The following PFKFB3 variants were observed in gnomAD, a reference collection of about 807,000 sequenced individuals.
The protein encoded by PFKFB3 is 6-phosphofructo-2-kinase/fructose-2,6-bisphosphatase 3.
A neutral mutation model predicts 68.0 loss-of-function variants in PFKFB3; 33 were observed. That is an observed-to-expected ratio of 0.49 (90% CI 0.37 to 0.65). PFKFB3 has a LOEUF of 0.65. Ranked by LOEUF, PFKFB3 falls within the 30% of genes least tolerant of loss-of-function variation. The pLI is 0.00. For missense variants in PFKFB3, 586 were observed against 712.2 expected (o/e 0.82, Z 2.02); for synonymous variants, 315 against 288.2 (o/e 1.09, Z -0.94).
chr10:6,292,267 TTTTTTTTTTTC>T, the PFKFB3 span, among the ~76,000 whole-genome samples: 981 of 125,198 alleles, frequency 7.8e-3, 25 homozygotes, highest in African/African-American at 0.03. Flanking sequence ...ACCAGTGTAC[TTTTTTTTTTTC>T]TTTTTTTTTT....
intron 1 of PFKFB3, among the ~76,000 whole-genome samples, chr10:6,155,205 CT>C (rs55673645): frequency 0.09 from 11,947 of 132,290 alleles, 654 homozygotes; most frequent in East Asian, 0.16. Context: ...GAGTTTTTTT[CT>C]TTTTTTTTTT....
At chr10:6,223,029 C>G (rs1050699350) in intron 11 of PFKFB3, 45 bp downstream of exon 11, 5 of 1,587,732 alleles carry the variant, frequency 3.1e-6, no homozygotes, top group Non-Finnish European at 3.4e-6. Flanking sequence ...GAGGAGGGGA[C>G]TGGCACTCGG....
In PFKFB3 at chr10:6,233,199, A is replaced by G. The variant is rs1201838570; in HGVS notation, c.*257A>G. ...ACCTCCACTCTCTGGGTTTCCTAGG[A>G]ATGTCCAGCCTCGGAGACCTTCACA... is the stretch of plus-strand genomic sequence containing the variant. On this transcript the variant is annotated 3_prime_UTR_variant, in exon 15 of 15. Coordinates refer to ENST00000379775, the MANE Select transcript of PFKFB3 (RefSeq NM_004566.4). 2.0e-6 allele frequency: 1 copy of G among 490,226 alleles called. No homozygotes were observed. The highest frequency in any genetic ancestry group is 3.7e-6 in the Non-Finnish European group (1 of 271,620). The allele number at this position is 490,226 out of a possible 1,614,324, so 30.4% of individuals were successfully genotyped here.
rs1309543325 is a variant in PFKFB3, at chr10:6,217,682, C to T, written c.498+491C>T. Among the ~76,000 whole-genome samples the T allele has an allele frequency of 2.6e-5, 4 of 152,118 alleles. No homozygotes were observed. In the East Asian group the frequency reaches 7.7e-4, roughly 29 times the overall value. On this transcript the variant is annotated intron_variant, in intron 6 of 14. Coordinates refer to ENST00000379775, the MANE Select transcript of PFKFB3 (RefSeq NM_004566.4). ...TGCATCTCGTGAACCTGCCACAAAC[C>T]CTCCTGTCTGTGCTGTGCAGGGGAG...
chr10:6,165,640 C>T (rs1588406433), intron 1 of PFKFB3, among the ~76,000 whole-genome samples: 1 of 152,222 alleles, frequency 6.6e-6, no homozygotes, highest in African/African-American at 2.4e-5. Flanking sequence ...GATGCAAGTT[C>T]TCATCTGCCA....
chr10:6,273,196 A>T, the PFKFB3 span, among the ~76,000 whole-genome samples: 1 of 151,650 alleles, frequency 6.6e-6, no homozygotes, highest in African/African-American at 2.4e-5. Flanking sequence ...TTCAGTAGAG[A>T]CGGGGTTTGC....
At chr10:6,293,779 A>C in the PFKFB3 span, 1 of 372,370 alleles carries the variant, frequency 2.7e-6, no homozygotes, top group Non-Finnish European at 5.5e-6. Context: ...CACCTTGTGC[A>C]CTTTATCTGA....
the PFKFB3 span, among the ~76,000 whole-genome samples, chr10:6,260,870 C>A: frequency 6.6e-6 from 1 of 152,118 alleles, no homozygotes; most frequent in Non-Finnish European, 1.5e-5. Flanking sequence ...TGAAAAAGGG[C>A]AGTCATTTCA....
At chr10:6,197,910 A>G (rs1843217726), upstream of PFKFB3, 1 of 152,144 alleles carries the variant, frequency 6.6e-6, no homozygotes, top group Non-Finnish European at 1.5e-5. Context: ...TGAACTTAAA[A>G]TTTCCTTTTC....
chr10:6,214,853 A>G (rs1844456423), intron 2 of PFKFB3, among the ~76,000 whole-genome samples: 1 of 152,174 alleles, frequency 6.6e-6, no homozygotes, highest in African/African-American at 2.4e-5. Flanking sequence ...TTCTGATACC[A>G]TTGGTGGAAA....
At chr10:6,174,337 A>C (rs966760665) in intron 1 of PFKFB3, among the ~76,000 whole-genome samples, 1 of 152,180 alleles carries the variant, frequency 6.6e-6, no homozygotes, top group Admixed American at 6.5e-5. Flanking sequence ...AATCCAGGAC[A>C]GGGGTTCTTA....
At chr10:6,320,886 C>T in the PFKFB3 span, among the ~76,000 whole-genome samples, 1 of 152,292 alleles carries the variant, frequency 6.6e-6, no homozygotes, top group East Asian at 1.9e-4. Context: ...CTTTCCATGG[C>T]CTTCAGAGTG....
intron 1 of PFKFB3, among the ~76,000 whole-genome samples, chr10:6,184,348 C>T (rs1035873208): frequency 1.3e-5 from 2 of 152,040 alleles, no homozygotes; most frequent in South Asian, 2.1e-4. Flanking sequence ...CTACCACACC[C>T]AGCCTGGAGA....
At chr10:6,178,019 A>T (rs557557588) in intron 1 of PFKFB3, among the ~76,000 whole-genome samples, 6 of 152,140 alleles carry the variant, frequency 3.9e-5, no homozygotes, top group Non-Finnish European at 7.4e-5. Flanking sequence ...AAGAGGGTGG[A>T]TGCTGGTTCA....
intron 1 of PFKFB3, chr10:6,145,057 G>A (rs975448471): frequency 1.5e-6 from 2 of 1,299,598 alleles, no homozygotes; most frequent in Non-Finnish European, 2.0e-6. Flanking sequence ...GCGCGCGCGG[G>A]GACCTGAGCG....
chr10:6,145,281 C>T lies in PFKFB3; in HGVS notation c.16+268C>T, dbSNP rs527292955. 4.6e-5 allele frequency among the ~76,000 whole-genome samples: 7 copies of T among 151,576 alleles called. No homozygotes were observed. In the East Asian group the frequency reaches 1.4e-3, roughly 30 times the overall value. On this transcript the variant is annotated intron_variant, in intron 1 of 14. Transcript: ENST00000379789. ...GGCCCCACGCGTCCCCCTCCGGCCTCGCGTCTCCTTTCCGGCCTCGCGTCT... is the reference window on the plus strand; with the variant it reads ...GGCCCCACGCGTCCCCCTCCGGCCTTGCGTCTCCTTTCCGGCCTCGCGTCT...
At chr10:6,293,827 A>G in the PFKFB3 span, 2 of 404,512 alleles carry the variant, frequency 4.9e-6, no homozygotes, top group Admixed American at 3.0e-5. Flanking sequence ...GATTTGGAGT[A>G]CTTGGTTCCC....
At chr10:6,182,468 G>T (rs973657889) in intron 1 of PFKFB3, among the ~76,000 whole-genome samples, 1 of 152,170 alleles carries the variant, frequency 6.6e-6, no homozygotes, top group Non-Finnish European at 1.5e-5. Context: ...TCCTAGGGCC[G>T]AGCTGGCTGG....
the PFKFB3 span, among the ~76,000 whole-genome samples, chr10:6,304,740 T>TGAACTCCTGAGCTCAAGCTATCCTC: frequency 6.7e-6 from 1 of 149,598 alleles, no homozygotes; most frequent in South Asian, 2.1e-4. Context: ...AGGCTGGCCT[T>TGAACTCCTGAGCTCAAGCTATCCTC]GAACTCCTGA....
Sources: gnomAD v4.1 joint callset for allele counts (sites outside exome capture counted in the v4.1 genomes callset) on GRCh38, gnomAD v4.1.1 for gene constraint, MANE v1.5 for transcripts, NCBI Gene and HGNC (gene_info 2026-07-23, HGNC 2026-07-21) for gene names.